The following SLC30A6 variants were observed in gnomAD, a reference collection of about 807,000 sequenced individuals.
The protein encoded by SLC30A6 is solute carrier family 30 member 6, also known as zinc transporter 6.
SLC30A6 carries 55 observed loss-of-function variants against 63.0 expected under a neutral mutation model. That is an observed-to-expected ratio of 0.87 (90% CI 0.70 to 1.09). The LOEUF (loss-of-function observed/expected upper bound fraction) is 1.09. SLC30A6 is among the 50% of genes least tolerant of loss of function. SLC30A6 has a pLI of 0.00. For synonymous variants in SLC30A6, 224 were observed against 186.1 expected (o/e 1.20, Z -1.66); for missense variants, 587 against 549.2 (o/e 1.07, Z -0.69).
At chr2:32,170,285 C>G (rs1331591705) in intron 1 of SLC30A6, among the ~76,000 whole-genome samples, 1 of 152,068 alleles carries the variant, frequency 6.6e-6, no homozygotes, top group Non-Finnish European at 1.5e-5. Context: ...GAAACATTAC[C>G]TTGATCAAAA....
At position 32,222,968 on chromosome 2, in the gene SLC30A6, C is replaced by G. The variant is rs1379602363; in HGVS notation, c.*2255C>G. On this transcript the variant is annotated 3_prime_UTR_variant, in exon 14 of 14. Coordinates refer to ENST00000282587, the MANE Select transcript of SLC30A6 (RefSeq NM_017964.5). ...TATGCCTACTTCCTCAACACCAATT[C>G]AGAGGCAACACCTGTGCATCTGTCC... 2 of 152,208 alleles carry G rather than the reference C, an allele frequency of 1.3e-5. No individual in the cohort carries two copies. The highest frequency in any genetic ancestry group is 4.8e-5 in the African/African-American group (2 of 41,444). 9.4% of individuals were successfully genotyped at this position (152,208 alleles called of 1,614,324 possible).
At chr2:32,189,019 C>T (rs2148843747) in intron 5 of SLC30A6, among the ~76,000 whole-genome samples, 1 of 152,244 alleles carries the variant, frequency 6.6e-6, no homozygotes, top group East Asian at 1.9e-4. Context: ...TTGTTAAGGA[C>T]ATTTAGATGA....
At chr2:32,200,606 G>C (rs907947021) in intron 10 of SLC30A6, among the ~76,000 whole-genome samples, 8 of 150,850 alleles carry the variant, frequency 5.3e-5, no homozygotes, top group African/African-American at 2.0e-4. Context: ...GGGTTAAATG[G>C]ATTAAGGGCG....
chr2:32,214,718 G>A (rs1223078330), intron 13 of SLC30A6, among the ~76,000 whole-genome samples: 1 of 152,134 alleles, frequency 6.6e-6, no homozygotes, highest in Non-Finnish European at 1.5e-5. Context: ...GCTGCTAAAA[G>A]TTAATATCAC....
intron 13 of SLC30A6, among the ~76,000 whole-genome samples, chr2:32,219,371 C>G (rs937806395): frequency 1.3e-5 from 2 of 151,690 alleles, no homozygotes; most frequent in African/African-American, 4.8e-5. Context: ...TTTCCTTCCT[C>G]TCTTCCTTCT....
At chr2:32,166,543 T>C (rs1172695247) in intron 1 of SLC30A6, among the ~76,000 whole-genome samples, 1 of 152,272 alleles carries the variant, frequency 6.6e-6, no homozygotes, top group East Asian at 1.9e-4. Flanking sequence ...CTCAAATTTG[T>C]TAGAATTAGT....
chr2:32,203,747 A>T, intron 10 of SLC30A6: 2 of 1,517,158 alleles, frequency 1.3e-6, no homozygotes, highest in Non-Finnish European at 1.8e-6. Flanking sequence ...GAGTGGCATG[A>T]TTCCGACTGG....
chr2:32,195,041 C>T (rs75331188), intron 8 of SLC30A6, among the ~76,000 whole-genome samples: 10,518 of 150,992 alleles, frequency 0.07, 536 homozygotes, highest in Non-Finnish European at 0.094. Flanking sequence ...TGTATGCACA[C>T]GTACATATAA....
At chr2:32,215,518 T>TATATATATATATATATATA (rs66665816) in intron 13 of SLC30A6, among the ~76,000 whole-genome samples, 3 of 93,286 alleles carry the variant, frequency 3.2e-5, no homozygotes, top group African/African-American at 1.4e-4. Flanking sequence ...ATATATATAT[T>TATATATATATATATATATA]TTTTTTTTTT....
chr2:32,190,665 G>GCATATTCTGGACTGC (rs1683247276), intron 5 of SLC30A6, among the ~76,000 whole-genome samples: 1 of 151,946 alleles, frequency 6.6e-6, no homozygotes, highest in South Asian at 2.1e-4. Flanking sequence ...AGGAGTAAAG[G>GCATATTCTGGACTGC]CATATTCTGG....
At chr2:32,204,277 G>T (rs1684551550) in intron 10 of SLC30A6, among the ~76,000 whole-genome samples, 1 of 152,108 alleles carries the variant, frequency 6.6e-6, no homozygotes, top group African/African-American at 2.4e-5. Flanking sequence ...ACATATTTCA[G>T]CTCTTTCTAG....
chr2:32,187,325 A>G (rs1241418270), intron 5 of SLC30A6: 7 of 444,726 alleles, frequency 1.6e-5, no homozygotes, highest in Non-Finnish European at 3.2e-5. Context: ...AGAGCTAGCT[A>G]GAGTATTTCT....
Position 32,165,870 on chromosome 2 carries a change from G to A in SLC30A6, c.-31G>A. 6.2e-7 allele frequency: 1 copy of A among 1,613,944 alleles called. No individual in the cohort carries two copies. Among genetic ancestry groups the A allele is most frequent in the Non-Finnish European group, 8.5e-7 (1 of 1,179,890 alleles). On this transcript the variant is annotated 5_prime_UTR_variant, in exon 1 of 14. Coordinates refer to ENST00000282587, the MANE Select transcript of SLC30A6 (RefSeq NM_017964.5). The stretch of plus-strand genomic sequence containing the variant: ...TGGGAAAACTCGAGCACCCAGAACG[G>A]CTTCCGGCGGGAGCTGTGCAGCTCC...
intron 10 of SLC30A6, among the ~76,000 whole-genome samples, chr2:32,200,663 G>A (rs971403123): frequency 1.6e-4 from 24 of 151,314 alleles, no homozygotes; most frequent in African/African-American, 5.3e-4. Context: ...CAGCATGCTC[G>A]TTAAGAGTCA....
chr2:32,171,677 C>T (rs1416948300), intron 2 of SLC30A6, among the ~76,000 whole-genome samples: 2 of 145,450 alleles, frequency 1.4e-5, no homozygotes, highest in African/African-American at 5.1e-5. Context: ...AGTCTAAAGC[C>T]ATGTTTTCTC....
At position 32,206,844 on chromosome 2, in the gene SLC30A6, T is replaced by C. The variant is rs746420319; in HGVS notation, c.769-42T>C. The stretch of plus-strand genomic sequence containing the variant: ...TCAGGACCATTGTTGGCAAACTTTT[T>C]TCCTTCCCCCATTATTCATATTTTA... On this transcript the variant is annotated intron_variant, in intron 11 of 13. Coordinates refer to ENST00000282587, the MANE Select transcript of SLC30A6 (RefSeq NM_017964.5). 2.6e-6 allele frequency: 4 copies of C among 1,553,098 alleles called. No individual in the cohort carries two copies. The East Asian group carries it at 9.0e-5, about 35-fold the overall frequency.
intron 13 of SLC30A6, among the ~76,000 whole-genome samples, chr2:32,212,343 C>G (rs1045470899): frequency 4.0e-5 from 6 of 151,896 alleles, no homozygotes; most frequent in African/African-American, 1.4e-4. Flanking sequence ...TTTTATCTGT[C>G]TGGTGATCTT....
chr2:32,184,127 T>C (rs6753276), intron 4 of SLC30A6, 146 bp from the exon 5 acceptor site: 4 of 277,662 alleles, frequency 1.4e-5, no homozygotes, highest in Admixed American at 5.2e-5. Context: ...ATTAATTATC[T>C]TAATAAATTA....
chr2:32,181,545 A>C (rs1682312076), intron 4 of SLC30A6, among the ~76,000 whole-genome samples: 2 of 152,162 alleles, frequency 1.3e-5, no homozygotes, highest in South Asian at 4.1e-4. Context: ...ATAGAGTATT[A>C]TTTACAAAGA....
Sources: allele counts gnomAD v4.1 joint callset (sites outside exome capture counted in the v4.1 genomes callset), GRCh38; gene constraint gnomAD v4.1.1; transcripts MANE v1.5; gene names NCBI Gene and HGNC (gene_info 2026-07-23, HGNC 2026-07-21).